SHPK: variants seen among roughly 807,000 people sequenced by gnomAD.
SHPK encodes sedoheptulokinase.
A neutral mutation model predicts 46.3 loss-of-function variants in SHPK; 51 were observed. The observed-to-expected ratio is 1.10, with a 90% CI of 0.88 to 1.39. The LOEUF (loss-of-function observed/expected upper bound fraction) is 1.39. SHPK is among the 40% of genes most tolerant of loss of function. The pLI is 0.00. For synonymous variants in SHPK, 290 were observed against 273.9 expected (o/e 1.06, Z -0.58); for missense variants, 668 against 641.3 (o/e 1.04, Z -0.45).
chr17:3,622,816 T>C (rs1172140429), intron 4 of SHPK, among the ~76,000 whole-genome samples: 1 of 151,540 alleles, frequency 6.6e-6, no homozygotes, highest in Admixed American at 6.6e-5. Context: ...GTGATTCTCC[T>C]GCCTCAGCCT....
chr17:3,626,442 G>A (rs564836845), intron 2 of SHPK, among the ~76,000 whole-genome samples: 71 of 152,112 alleles, frequency 4.7e-4, no homozygotes, highest in African/African-American at 1.5e-3. Flanking sequence ...CTCATCGGGC[G>A]CAGTGGCTCA....
chr17:3,629,453 G>A (rs555820993), intron 2 of SHPK, among the ~76,000 whole-genome samples: 58 of 152,210 alleles, frequency 3.8e-4, no homozygotes, highest in Non-Finnish European at 4.1e-4. Flanking sequence ...TATGCCGGCC[G>A]GGCATGGTGG....
chr17:3,624,944 C>T (rs543838851), intron 2 of SHPK, among the ~76,000 whole-genome samples: 121 of 152,244 alleles, frequency 7.9e-4, no homozygotes, highest in Non-Finnish European at 1.4e-3. Flanking sequence ...CATGAGCCAC[C>T]GCACCTGGCC....
At chr17:3,629,213 A>T (rs1276602152) in intron 2 of SHPK, among the ~76,000 whole-genome samples, 1 of 152,114 alleles carries the variant, frequency 6.6e-6, no homozygotes, top group Non-Finnish European at 1.5e-5. Flanking sequence ...CATCCACACA[A>T]TGGGGACAAC....
intron 5 of SHPK, chr17:3,619,820 T>G: frequency 2.2e-6 from 1 of 454,970 alleles, no homozygotes; most frequent in Admixed American, 2.6e-5. Flanking sequence ...GCTTTAAGAT[T>G]GAGTATAGCT....
rs983078496 is a variant in SHPK, at chr17:3,619,905, C to T, written c.823+1332G>A. ...CGAGCCCTGGGCTCCGGCCTCCCAG[C>T]GCCGCCAAGCGCCATATCGTCCCAC... On this transcript the variant is annotated intron_variant, in intron 5 of 6. Transcript: ENST00000225519. The T allele has an allele frequency of 9.7e-5, 23 of 237,266 alleles. 1 individual carries two copies. Among genetic ancestry groups the T allele is most frequent in the Admixed American group, 6.8e-4 (15 of 22,126 alleles). The allele number at this position is 237,266 out of a possible 1,614,324, so 14.7% of individuals were successfully genotyped here.
At chr17:3,621,619 C>CCCTCCCTTCCGT (rs1555554365) in intron 4 of SHPK, among the ~76,000 whole-genome samples, 1 of 112,186 alleles carries the variant, frequency 8.9e-6, no homozygotes, top group Non-Finnish European at 1.8e-5. Flanking sequence ...CTCCCTCCCT[C>CCCTCCCTTCCGT]CCTTCCTTCC....
In SHPK at chr17:3,635,916, C is replaced by G. The variant is rs1437753116; in HGVS notation, c.168+136G>C. 1.1e-4 allele frequency: 99 copies of G among 863,972 alleles called. 1 individual carries two copies. In the East Asian group the frequency reaches 2.9e-3, roughly 25 times the overall value. 53.5% of individuals were successfully genotyped at this position (863,972 alleles called of 1,614,324 possible). A position where few individuals can be genotyped will look rare whatever the true frequency, so the allele number is the denominator to read the frequency against. Reference sequence around the variant, plus strand: ...CATGAGCACAGCTGCTGCAGGCAGACGGGCCCCTGGAGAAGCTGGGGACAA... The same window carrying G: ...CATGAGCACAGCTGCTGCAGGCAGAGGGGCCCCTGGAGAAGCTGGGGACAA... On this transcript the variant is annotated intron_variant, in intron 1 of 6. Coordinates refer to ENST00000225519, the MANE Select transcript of SHPK (RefSeq NM_013276.4).
intron 2 of SHPK, among the ~76,000 whole-genome samples, chr17:3,626,480 A>C (rs386686): frequency 0.52 from 78,697 of 151,238 alleles, 21,188 homozygotes; most frequent in Non-Finnish European, 0.6. Flanking sequence ...CTTTGGGAGT[A>C]TGAGGCGGGT....
Position 3,610,608 on chromosome 17 carries a change from C to A in SHPK, c.1389G>T (p.Gly463=). Residue 463 remains glycine, a synonymous_variant, in exon 7 of 7, where the codon GGG becomes GGT. Transcript: ENST00000225519. ...GTCTCCGGAGCATGACCAGAGCTGC[C>A]CCGACAGCTGCATCCACATCCTGCC... is the stretch of plus-strand genomic sequence containing the variant. ...SFGQDVDAAV[G]AALVMLRRHL... The A allele has an allele frequency of 6.2e-7, 1 of 1,613,482 alleles. No individual in the cohort carries two copies. The highest frequency in any genetic ancestry group is 8.5e-7 in the Non-Finnish European group (1 of 1,179,668).
intron 6 of SHPK, among the ~76,000 whole-genome samples, chr17:3,613,256 A>G (rs2075351393): frequency 6.6e-6 from 1 of 152,078 alleles, no homozygotes; most frequent in Non-Finnish European, 1.5e-5. Context: ...CAAGGCCCAC[A>G]CCCCAGGTCC....
chr17:3,610,546 A>AT lies in SHPK; in HGVS notation c.*13_*14insA. The AT allele has an allele frequency of 1.9e-6, 3 of 1,583,646 alleles. No homozygotes were observed. Among genetic ancestry groups the AT allele is most frequent in the Non-Finnish European group, 1.7e-6 (2 of 1,159,864 alleles). ...TAAAATTCACAGCAGTCGTTTGGCGAAAGAGTTTGCTGTCTAAGATTCCTT... is the reference window on the plus strand; with the variant it reads ...TAAAATTCACAGCAGTCGTTTGGCGATAAGAGTTTGCTGTCTAAGATTCCTT... On this transcript the variant is annotated 3_prime_UTR_variant, in exon 7 of 7. Coordinates refer to ENST00000225519, the MANE Select transcript of SHPK (RefSeq NM_013276.4).
chr17:3,613,480 T>C (rs2075353205), intron 6 of SHPK, among the ~76,000 whole-genome samples: 2 of 152,128 alleles, frequency 1.3e-5, no homozygotes. Flanking sequence ...GTGACTCTCC[T>C]GCCTCAGCCT....
intron 1 of SHPK, among the ~76,000 whole-genome samples, chr17:3,632,444 T>C (rs2075478569): frequency 1.3e-5 from 2 of 152,262 alleles, no homozygotes; most frequent in Admixed American, 1.3e-4. Flanking sequence ...GGGTGGTGTG[T>C]CATCCCAGGA....
At chr17:3,624,471 ATTC>A (rs987185448) in intron 2 of SHPK, among the ~76,000 whole-genome samples, 5 of 151,870 alleles carry the variant, frequency 3.3e-5, no homozygotes, top group African/African-American at 1.2e-4. Flanking sequence ...GTTTGTTTTT[ATTC>A]TTTTTTGAAG....
intron 1 of SHPK, among the ~76,000 whole-genome samples, chr17:3,634,128 T>G: frequency 6.7e-6 from 1 of 149,306 alleles, no homozygotes; most frequent in Non-Finnish European, 1.5e-5. Flanking sequence ...ACACAAACAC[T>G]GCGGAAGGCC....
intron 6 of SHPK, among the ~76,000 whole-genome samples, chr17:3,613,577 C>T (rs563857707): frequency 4.9e-4 from 75 of 152,188 alleles, no homozygotes; most frequent in African/African-American, 1.6e-3. Flanking sequence ...CTATATTGGC[C>T]AGGCTGGTCT....
rs933280442 is a variant in SHPK, at chr17:3,622,850, G to A, written c.647+489C>T. On this transcript the variant is annotated intron_variant, in intron 4 of 6. Transcript: ENST00000225519. ...CTCCAGAGTAGCTGGGATTACAGGCGCACTCCACCACGCCCAGCTAATTTT... is the reference window on the plus strand; with the variant it reads ...CTCCAGAGTAGCTGGGATTACAGGCACACTCCACCACGCCCAGCTAATTTT... Among the ~76,000 whole-genome samples, 10 of 151,736 alleles carry A rather than the reference G, an allele frequency of 6.6e-5. 1 individual carries two copies. The highest frequency in any genetic ancestry group is 9.7e-5 in the African/African-American group (4 of 41,316).
At chr17:3,620,527 A>G (rs2075394310) in intron 5 of SHPK, among the ~76,000 whole-genome samples, 1 of 151,214 alleles carries the variant, frequency 6.6e-6, no homozygotes, top group Non-Finnish European at 1.5e-5. Flanking sequence ...TGGCCTCCCA[A>G]AGTGCTGGGA....
Sources: allele counts gnomAD v4.1 joint callset (sites outside exome capture counted in the v4.1 genomes callset), GRCh38; gene constraint gnomAD v4.1.1; transcripts MANE v1.5; gene names NCBI Gene and HGNC (gene_info 2026-07-23, HGNC 2026-07-21).